KCNK3: variants seen among roughly 807,000 people sequenced by gnomAD.
KCNK3 encodes the protein potassium two pore domain channel subfamily K member 3.
In KCNK3, 9 loss-of-function variants were observed where a neutral mutation model predicts 27.3. The observed-to-expected ratio is 0.33, with a 90% confidence interval of 0.20 to 0.57. The LOEUF (loss-of-function observed/expected upper bound fraction) is 0.57. Ranked by LOEUF, KCNK3 falls within the 20% of genes least tolerant of loss-of-function variation. The pLI, the probability that KCNK3 is intolerant of heterozygous loss-of-function variation, is 0.87. For synonymous variants in KCNK3, 278 were observed against 273.8 expected, an observed-to-expected ratio of 1.02 and a Z score of -0.15; for missense variants, 391 against 577.7, an observed-to-expected ratio of 0.68 and a Z score of 3.31.
intron 1 of KCNK3, among the ~76,000 whole-genome samples, chr2:26,718,548 G>C (rs909957988): frequency 1.3e-5 from 2 of 152,142 alleles, no homozygotes; most frequent in Non-Finnish European, 2.9e-5. Flanking sequence ...TAAGCTATAT[G>C]AGCTTTAGAA....
At chr2:26,700,730 C>CCAT (rs71401503) in intron 1 of KCNK3, among the ~76,000 whole-genome samples, 1,827 of 150,644 alleles carry the variant, frequency 0.012, 21 homozygotes, top group Middle Eastern at 0.02. Flanking sequence ...ATCATCATCA[C>CCAT]CATCATCATC....
At chr2:26,714,542 A>G (rs1008672629) in intron 1 of KCNK3, among the ~76,000 whole-genome samples, 2 of 150,052 alleles carry the variant, frequency 1.3e-5, no homozygotes, top group African/African-American at 2.5e-5. Context: ...TGGAGAGAGC[A>G]CCCGCCTGCC....
At chr2:26,711,576 T>A (rs1295471288) in intron 1 of KCNK3, among the ~76,000 whole-genome samples, 1 of 152,124 alleles carries the variant, frequency 6.6e-6, no homozygotes, top group East Asian at 1.9e-4. Flanking sequence ...AGAACCTAGC[T>A]CTGCATTTAC....
intron 1 of KCNK3, among the ~76,000 whole-genome samples, chr2:26,719,804 T>C (rs1384215220): frequency 6.6e-6 from 1 of 152,220 alleles, no homozygotes; most frequent in Non-Finnish European, 1.5e-5. Flanking sequence ...CAGCCCTTGT[T>C]ACTCCTTGGC....
chr2:26,709,365 T>G (rs1217415022), intron 1 of KCNK3, among the ~76,000 whole-genome samples: 3 of 152,030 alleles, frequency 2.0e-5, no homozygotes, highest in African/African-American at 7.2e-5. Flanking sequence ...GCCCAGCCCT[T>G]CCTCCAGTGC....
chr2:26,703,837 G>A (rs78413318), intron 1 of KCNK3, among the ~76,000 whole-genome samples: 2,017 of 152,302 alleles, frequency 0.013, 57 homozygotes, highest in African/African-American at 0.046. Context: ...AGGACTTCAG[G>A]AGGTGAAGAT....
At chr2:26,694,582 G>T (rs1196965671) in intron 1 of KCNK3, among the ~76,000 whole-genome samples, 1 of 152,100 alleles carries the variant, frequency 6.6e-6, no homozygotes, top group Admixed American at 6.5e-5. Context: ...GGGAGGAAAG[G>T]GCCCTGGGAG....
rs954823301 is a variant in KCNK3, at chr2:26,693,607, G to A, written c.283+449G>A. On this transcript the variant is annotated intron_variant, in intron 1 of 1. Transcript: ENST00000302909. This position sits in a 1 kb window ranked among gnomAD's most constrained non-coding sequence, Gnocchi z 5.5. ...CACCTGCTGGGCTCTGGGGAGGCAT[G>A]AGGATGTCGGAATGCGGCACTTCGG... 5.3e-5 allele frequency among the ~76,000 whole-genome samples: 8 copies of A among 152,224 alleles called. No individual in the cohort carries two copies. The highest frequency in any genetic ancestry group is 1.9e-4 in the African/African-American group (8 of 41,466).
At chr2:26,710,660 G>A (rs1322779085) in intron 1 of KCNK3, among the ~76,000 whole-genome samples, 1 of 152,184 alleles carries the variant, frequency 6.6e-6, no homozygotes, top group Non-Finnish European at 1.5e-5. Context: ...CTGGGATAAA[G>A]GAGGCTGTCT....
At chr2:26,699,073 G>A (rs867876577) in intron 1 of KCNK3, among the ~76,000 whole-genome samples, 2 of 152,012 alleles carry the variant, frequency 1.3e-5, no homozygotes, top group South Asian at 4.2e-4. Context: ...GGCTATGCAG[G>A]AGGCTGAGGC....
At chr2:26,724,986 G>A (rs1663388180) in intron 1 of KCNK3, among the ~76,000 whole-genome samples, 1 of 152,138 alleles carries the variant, frequency 6.6e-6, no homozygotes, top group Non-Finnish European at 1.5e-5. Flanking sequence ...GGGATGTGTG[G>A]CTCCTTGAAG....
At chr2:26,722,704 T>C (rs1380700993) in intron 1 of KCNK3, among the ~76,000 whole-genome samples, 1 of 152,270 alleles carries the variant, frequency 6.6e-6, no homozygotes, top group African/African-American at 2.4e-5. Context: ...GTGTGCTTAA[T>C]TAATTTTGAT....
chr2:26,699,495 T>A (rs1670280992), intron 1 of KCNK3, among the ~76,000 whole-genome samples: 1 of 152,196 alleles, frequency 6.6e-6, no homozygotes, highest in Non-Finnish European at 1.5e-5. Flanking sequence ...CAAGCACAGA[T>A]GAATGTAGTG....
At chr2:26,715,009 C>T (rs1389212907) in intron 1 of KCNK3, among the ~76,000 whole-genome samples, 1 of 152,240 alleles carries the variant, frequency 6.6e-6, no homozygotes, top group African/African-American at 2.4e-5. Flanking sequence ...CCTGTGTGGC[C>T]TTGTCCAAAT....
In KCNK3 at chr2:26,731,376, C is replaced by T; in HGVS notation, c.*2808C>T. 6.6e-6 allele frequency: 1 copy of T among 152,406 alleles called. No homozygotes were observed. The highest frequency in any genetic ancestry group is 1.5e-5 in the Non-Finnish European group (1 of 68,152). The allele number at this position is 152,406 out of a possible 1,614,324, so 9.4% of individuals were successfully genotyped here. On this transcript the variant is annotated 3_prime_UTR_variant, in exon 2 of 2. Transcript: ENST00000302909. ...CCTGAGGTCAGAAGTTCAAGACCAG[C>T]CTGGCCAACATGGTAAAACCCCGTC...
intron 1 of KCNK3, among the ~76,000 whole-genome samples, chr2:26,718,176 T>C (rs1663265692): frequency 6.6e-6 from 1 of 151,974 alleles, no homozygotes; most frequent in Non-Finnish European, 1.5e-5. Context: ...AGGACCTCAG[T>C]GGATCCACCT....
At chr2:26,723,801 G>A (rs865910300) in intron 1 of KCNK3, among the ~76,000 whole-genome samples, 78 of 152,194 alleles carry the variant, frequency 5.1e-4, no homozygotes, top group African/African-American at 1.8e-3. Flanking sequence ...AGAGGAGGCG[G>A]TATGGATAGT....
rs556568502 is a variant in KCNK3 at position 26,729,098 on chromosome 2, T to A, written c.*530T>A. 6.5e-6 allele frequency: 1 copy of A among 152,878 alleles called. No homozygotes were observed. Among genetic ancestry groups the A allele is most frequent in the South Asian group, 2.1e-4 (1 of 4,830 alleles). 9.5% of individuals were successfully genotyped at this position (152,878 alleles called of 1,614,324 possible). ...TCCCTTCGTGTTGTTTTGCATGGCT[T>A]TGCAGTTATGGAGAAAGTGGAAACC... On this transcript the variant is annotated 3_prime_UTR_variant, in exon 2 of 2. Coordinates refer to ENST00000302909, the MANE Select transcript of KCNK3 (RefSeq NM_002246.3).
intron 1 of KCNK3, among the ~76,000 whole-genome samples, chr2:26,701,730 A>G (rs934439731): frequency 6.6e-6 from 1 of 152,218 alleles, no homozygotes; most frequent in African/African-American, 2.4e-5. Context: ...ACTTGAGGTC[A>G]AAAGTCTGAG....
Sources: gnomAD v4.1 joint callset for allele counts (sites outside exome capture counted in the v4.1 genomes callset) on GRCh38, gnomAD v4.1.1 for gene constraint, Gnocchi (gnomAD v3.1) non-coding constraint, MANE v1.5 for transcripts, NCBI Gene and HGNC (gene_info 2026-07-23, HGNC 2026-07-21) for gene names.